The following DTWD2 variants were observed in gnomAD, a reference collection of about 807,000 sequenced individuals.
DTWD2 encodes tRNA-uridine aminocarboxypropyltransferase 2.
Under a neutral mutation model 31.8 loss-of-function variants are expected in DTWD2, and 39 were observed. The ratio of observed to expected loss-of-function variants is 1.22; its 90% CI spans 0.95 to 1.60. DTWD2 has a LOEUF of 1.60. Ranked by LOEUF, DTWD2 falls within the 40% of genes most tolerant of loss-of-function variation. The probability of loss-of-function intolerance (pLI) is 0.00; values close to 1 mark genes in which losing one functional copy is unlikely to be tolerated. For synonymous variants in DTWD2, 180 were observed against 142.8 expected, an observed-to-expected ratio of 1.26 and a Z score of -1.86; for missense variants, 515 against 381.5, an observed-to-expected ratio of 1.35 and a Z score of -2.92.
intron 4 of DTWD2, among the ~76,000 whole-genome samples, chr5:118,856,381 T>A (rs191348221): frequency 3.0e-4 from 45 of 152,326 alleles, no homozygotes; most frequent in African/African-American, 1.0e-3. Context: ...TCTGTGAATT[T>A]GCCACAATTT....
At chr5:118,884,118 A>G (rs1271478441) in intron 4 of DTWD2, among the ~76,000 whole-genome samples, 1 of 152,234 alleles carries the variant, frequency 6.6e-6, no homozygotes. Context: ...GTTTAATCAA[A>G]TCTAGAATGT....
intron 1 of DTWD2, among the ~76,000 whole-genome samples, chr5:118,979,667 C>T (rs1755253078): frequency 6.6e-6 from 1 of 152,236 alleles, no homozygotes; most frequent in Non-Finnish European, 1.5e-5. Context: ...GAATACTATG[C>T]AGCCATAAGG....
At chr5:118,928,363 T>A (rs532401781) in intron 4 of DTWD2, among the ~76,000 whole-genome samples, 174 bp downstream of exon 4, 4 of 152,096 alleles carry the variant, frequency 2.6e-5, no homozygotes, top group Non-Finnish European at 5.9e-5. Context: ...TCAAAATACA[T>A]ATATATTCAA....
intron 3 of DTWD2, among the ~76,000 whole-genome samples, chr5:118,937,433 A>G (rs1454891968): frequency 6.6e-6 from 1 of 151,888 alleles, no homozygotes; most frequent in Non-Finnish European, 1.5e-5. Context: ...TGTTTAATAC[A>G]GTTGTTGCCT....
chr5:118,949,321 T>C (rs574519901), intron 1 of DTWD2, among the ~76,000 whole-genome samples: 1 of 151,964 alleles, frequency 6.6e-6, no homozygotes, highest in African/African-American at 2.4e-5. Context: ...TCAGTCCAAG[T>C]GAAAGCAAAG....
intron 4 of DTWD2, among the ~76,000 whole-genome samples, chr5:118,904,361 T>A (rs570810209): frequency 6.6e-6 from 1 of 152,148 alleles, no homozygotes; most frequent in Non-Finnish European, 1.5e-5. Context: ...TGTATTATCA[T>A]ACTTATATAC....
At chr5:118,878,802 G>GA (rs901593984) in intron 4 of DTWD2, among the ~76,000 whole-genome samples, 123 of 150,322 alleles carry the variant, frequency 8.2e-4, no homozygotes, top group African/African-American at 2.7e-3. Context: ...AAATTCACAA[G>GA]AAAAAAAAAT....
intron 1 of DTWD2, among the ~76,000 whole-genome samples, chr5:118,952,115 C>T (rs1332726425): frequency 6.6e-6 from 1 of 152,138 alleles, no homozygotes; most frequent in Non-Finnish European, 1.5e-5. Flanking sequence ...AAAAAGACGC[C>T]GCTTACCCAA....
intron 4 of DTWD2, among the ~76,000 whole-genome samples, chr5:118,860,222 T>C (rs954704142): frequency 5.3e-5 from 8 of 149,586 alleles, no homozygotes; most frequent in African/African-American, 1.5e-4. Context: ...ATATGTATTG[T>C]ATTTATTAAT....
chr5:118,896,663 C>T (rs930026051), intron 4 of DTWD2, among the ~76,000 whole-genome samples: 4 of 152,012 alleles, frequency 2.6e-5, no homozygotes, highest in South Asian at 2.1e-4. Context: ...AATATGTGGC[C>T]GAATAGGGAG....
chr5:118,913,023 G>C (rs1753493901), intron 4 of DTWD2, among the ~76,000 whole-genome samples: 1 of 152,152 alleles, frequency 6.6e-6, no homozygotes, highest in Admixed American at 6.5e-5. Context: ...TCATTACGAA[G>C]TGGAAGACAT....
At chr5:118,918,781 G>T (rs1753636722) in intron 4 of DTWD2, among the ~76,000 whole-genome samples, 1 of 151,468 alleles carries the variant, frequency 6.6e-6, no homozygotes, top group South Asian at 2.1e-4. Flanking sequence ...TGAGCCCAGG[G>T]GTTCAAGACC....
At chr5:118,902,830 TA>T (rs1339322794) in intron 4 of DTWD2, among the ~76,000 whole-genome samples, 1 of 152,108 alleles carries the variant, frequency 6.6e-6, no homozygotes, top group African/African-American at 2.4e-5. Flanking sequence ...GCAAAGCTGC[TA>T]ATGATATCAA....
intron 4 of DTWD2, among the ~76,000 whole-genome samples, chr5:118,877,934 C>T (rs1185938884): frequency 6.6e-6 from 1 of 152,114 alleles, no homozygotes; most frequent in Non-Finnish European, 1.5e-5. Context: ...AAACCTACTC[C>T]CATTCACAAC....
intron 4 of DTWD2, among the ~76,000 whole-genome samples, chr5:118,859,186 T>C (rs571351856): frequency 5.5e-4 from 83 of 151,350 alleles, no homozygotes; most frequent in African/African-American, 1.7e-3. Flanking sequence ...TTCCTCGGTA[T>C]CTAGCTGGAA....
At position 118,863,152 on chromosome 5, in the gene DTWD2, C is replaced by T. The variant is rs970879985; in HGVS notation, c.598-14934G>A. On this transcript the variant is annotated intron_variant, in intron 4 of 5. Transcript: ENST00000510708. ...AATAACACAAGTGGACACTGCGTTA[C>T]GTTTTTCAGTTCATAGCTTTTACTT... 2.6e-5 allele frequency among the ~76,000 whole-genome samples: 4 copies of T among 152,102 alleles called. No homozygotes were observed. The South Asian group carries it at 8.3e-4, about 32-fold the overall frequency.
intron 1 of DTWD2, among the ~76,000 whole-genome samples, chr5:118,970,721 T>C (rs1754965912): frequency 6.6e-6 from 1 of 151,642 alleles, no homozygotes; most frequent in Admixed American, 6.6e-5. Context: ...AAAGAAAAAA[T>C]GTTAAGGGCA....
chr5:118,849,269 G>C (rs765549231), intron 4 of DTWD2, among the ~76,000 whole-genome samples: 2 of 151,978 alleles, frequency 1.3e-5, no homozygotes, highest in Non-Finnish European at 2.9e-5. Flanking sequence ...ACAAACATAA[G>C]AAAAAAATCT....
chr5:118,977,427 T>A (rs140596859), intron 1 of DTWD2, among the ~76,000 whole-genome samples: 1 of 152,188 alleles, frequency 6.6e-6, no homozygotes, highest in East Asian at 1.9e-4. Flanking sequence ...TGATTGTATA[T>A]TTAGAAAACC....
Sources: allele counts gnomAD v4.1 joint callset (sites outside exome capture counted in the v4.1 genomes callset), GRCh38; gene constraint gnomAD v4.1.1; transcripts MANE v1.5; gene names NCBI Gene and HGNC (gene_info 2026-07-23, HGNC 2026-07-21).